BLTP3B: variants seen among roughly 807,000 people sequenced by gnomAD.
The protein encoded by BLTP3B is bridge-like lipid transfer protein family member 3B.
chr12:100,040,665 G>C, the BLTP3B span, among the ~76,000 whole-genome samples: 4 of 152,076 alleles, frequency 2.6e-5, no homozygotes, highest in African/African-American at 9.7e-5. Flanking sequence ...CAGCCTGGGC[G>C]ACAGAGCGAG....
the BLTP3B span, chr12:100,051,160 T>C: frequency 2.4e-5 from 39 of 1,614,058 alleles, no homozygotes; most frequent in African/African-American, 4.0e-5. Context: ...TCTGTAGGTT[T>C]GCACCAGCAT....
At chr12:100,057,699 A>G in the BLTP3B span, 3 of 1,612,282 alleles carry the variant, frequency 1.9e-6, no homozygotes, top group Admixed American at 5.0e-5. Flanking sequence ...CTTATAAGAA[A>G]CACAGAGAGG....
chr12:100,142,653 C>A, the BLTP3B span: 2 of 1,605,844 alleles, frequency 1.2e-6, no homozygotes, highest in Non-Finnish European at 1.7e-6. Flanking sequence ...AGGCTGGAGA[C>A]GCCGCGGTCT....
At chr12:100,044,250 C>T in the BLTP3B span, among the ~76,000 whole-genome samples, 1 of 152,130 alleles carries the variant, frequency 6.6e-6, no homozygotes, top group African/African-American at 2.4e-5. Flanking sequence ...GGCCTTTCTC[C>T]TATGTCTGTC....
At chr12:100,061,748 A>C in the BLTP3B span, among the ~76,000 whole-genome samples, 1 of 152,208 alleles carries the variant, frequency 6.6e-6, no homozygotes, top group Non-Finnish European at 1.5e-5. Flanking sequence ...ATAATACTTA[A>C]AAGCAGCTTG....
At chr12:100,100,214 A>G in the BLTP3B span, among the ~76,000 whole-genome samples, 2 of 152,010 alleles carry the variant, frequency 1.3e-5, no homozygotes, top group African/African-American at 4.8e-5. Context: ...CTGAGCTGAG[A>G]GGATCGCTTC....
chr12:100,050,497 T>TA, the BLTP3B span, among the ~76,000 whole-genome samples: 21 of 150,494 alleles, frequency 1.4e-4, no homozygotes, highest in Admixed American at 4.0e-4. Context: ...TTCATTTACT[T>TA]AAAAAAAAAA....
the BLTP3B span, among the ~76,000 whole-genome samples, chr12:100,104,591 C>A: frequency 9.0e-4 from 136 of 151,504 alleles, no homozygotes; most frequent in African/African-American, 3.0e-3. Context: ...AGCTTAACAA[C>A]CTGTTTAATC....
At chr12:100,108,568 G>A in the BLTP3B span, 1 of 1,582,756 alleles carries the variant, frequency 6.3e-7, no homozygotes, top group Non-Finnish European at 8.6e-7. Flanking sequence ...AATACACATT[G>A]ACATTTATTT....
the BLTP3B span, chr12:100,086,360 TG>T: frequency 2.3e-6 from 1 of 430,292 alleles, no homozygotes; most frequent in Non-Finnish European, 4.2e-6. Flanking sequence ...TGTTTGACTC[TG>T]GGAAAAAAAA....
the BLTP3B span, among the ~76,000 whole-genome samples, chr12:100,052,553 G>A: frequency 1.2e-4 from 18 of 151,986 alleles, no homozygotes; most frequent in South Asian, 8.3e-4. Context: ...GACTGAGATG[G>A]AAAAGTTTAT....
the BLTP3B span, chr12:100,086,376 G>GC: frequency 4.3e-6 from 3 of 699,646 alleles, no homozygotes; most frequent in African/African-American, 2.0e-5. Context: ...AAAAAAAGGG[G>GC]GGGGGGGAAA....
At chr12:100,097,540 A>T in the BLTP3B span, 1 of 1,553,344 alleles carries the variant, frequency 6.4e-7, no homozygotes, top group East Asian at 2.3e-5. Flanking sequence ...TCACTTACTC[A>T]TGCAAAACAG....
chr12:100,066,166 G>C, the BLTP3B span, among the ~76,000 whole-genome samples: 4 of 151,964 alleles, frequency 2.6e-5, no homozygotes, highest in Non-Finnish European at 5.9e-5. Context: ...ACAAACTTAA[G>C]GTAAAGGGGT....
chr12:100,121,140 G>A, the BLTP3B span, among the ~76,000 whole-genome samples: 8 of 152,082 alleles, frequency 5.3e-5, no homozygotes, highest in African/African-American at 1.7e-4. Flanking sequence ...CTGAGGTCAG[G>A]AGTTTGAGAC....
chr12:100,104,615 C>A, the BLTP3B span, among the ~76,000 whole-genome samples: 1 of 151,292 alleles, frequency 6.6e-6, no homozygotes, highest in Admixed American at 6.6e-5. Flanking sequence ...AAATTCTGAG[C>A]AATCATTTTG....
At chr12:100,046,432 TG>T in the BLTP3B span, among the ~76,000 whole-genome samples, 1 of 152,118 alleles carries the variant, frequency 6.6e-6, no homozygotes, top group Non-Finnish European at 1.5e-5. Flanking sequence ...TGCAGGGACA[TG>T]GATGAAGCTG....
the BLTP3B span, among the ~76,000 whole-genome samples, chr12:100,087,783 A>G: frequency 6.6e-6 from 1 of 152,230 alleles, no homozygotes; most frequent in African/African-American, 2.4e-5. Flanking sequence ...AATTTATTCT[A>G]TCAGGGAATA....
At chr12:100,139,322 C>A in the BLTP3B span, among the ~76,000 whole-genome samples, 6,125 of 152,284 alleles carry the variant, frequency 0.04, 261 homozygotes, top group African/African-American at 0.11. Context: ...ATACCAGCTT[C>A]TCAAGTCCCT....
Sources: gnomAD v4.1 joint callset for allele counts (sites outside exome capture counted in the v4.1 genomes callset) on GRCh38, gnomAD v4.1.1 for gene constraint, MANE v1.5 for transcripts, NCBI Gene and HGNC (gene_info 2026-07-23, HGNC 2026-07-21) for gene names.